The following DST variants were observed in gnomAD, a reference collection of about 807,000 sequenced individuals.
The protein encoded by DST is dystonin.
Under a neutral mutation model 875.2 loss-of-function variants are expected in DST, and 253 were observed. The ratio of observed to expected loss-of-function variants is 0.29; its 90% CI spans 0.26 to 0.32. DST has a LOEUF of 0.32. Ranked by LOEUF, DST falls within the 10% of genes least tolerant of loss-of-function variation. The pLI, the probability that DST is intolerant of heterozygous loss-of-function variation, is 1.00. For synonymous variants in DST, 3,124 were observed against 3,197.1 expected, an observed-to-expected ratio of 0.98 and a Z score of 0.77; for missense variants, 8,287 against 9,111.6, an observed-to-expected ratio of 0.91 and a Z score of 3.68.
intron 37 of DST, among the ~76,000 whole-genome samples, chr6:56,612,140 C>A (rs543401824): frequency 6.6e-6 from 1 of 152,210 alleles, no homozygotes; most frequent in Non-Finnish European, 1.5e-5. Flanking sequence ...GAGGCCAAAG[C>A]AGGCAGATTG....
chr6:56,873,753 G>A (rs1778415926), intron 3 of DST, among the ~76,000 whole-genome samples: 1 of 152,120 alleles, frequency 6.6e-6, no homozygotes, highest in African/African-American at 2.4e-5. Context: ...TGGTTAATGA[G>A]CACAAAAATA....
Position 56,610,503 on chromosome 6 carries a change from T to C in DST, c.5207A>G (p.Tyr1736Cys), listed in dbSNP as rs570397443. The C allele has an allele frequency of 3.1e-5, 49 of 1,567,762 alleles. No homozygotes were observed. The South Asian group carries it at 5.0e-4, about 16-fold the overall frequency. The change falls in exon 39 of 104, where the codon TAT becomes TGT. Residue 1736 changes from tyrosine to cysteine, a missense_variant. Tyr to Cys is a radical substitution (Grantham distance 194, BLOSUM62 -2). Transcript: ENST00000680361. The stretch of plus-strand genomic sequence containing the variant: ...CAGAGATTCACTGAATAATAAATTA[T>C]AACTTTCCTGAAGAGTTTTCACTTG... Reference protein sequence around the residue: ...EKQVKTLQESYNLLFSESLKQ... With the variant: ...EKQVKTLQESCNLLFSESLKQ...
rs571895684 is a variant in DST, at chr6:56,933,700, A to C, written c.216+20085T>G. ...CCAGCATGAGCAATGGCATGAAAAC[A>C]GAATGGGGTAGGGAACCAAGCAGCT... On this transcript the variant is annotated intron_variant, in intron 2 of 103. Coordinates refer to ENST00000680361, the MANE Select transcript of DST (RefSeq NM_001374736.1). 3.5e-4 allele frequency among the ~76,000 whole-genome samples: 53 copies of C among 152,332 alleles called. No individual in the cohort carries two copies. In the South Asian group the frequency reaches 9.5e-3, roughly 27 times the overall value.
intron 4 of DST, among the ~76,000 whole-genome samples, chr6:56,777,589 T>C (rs893324300): frequency 1.3e-5 from 2 of 151,988 alleles, no homozygotes; most frequent in African/African-American, 4.8e-5. Flanking sequence ...AATTTGAAAC[T>C]CACCAATCAC....
chr6:56,693,687 AT>A (rs925953566), intron 9 of DST, among the ~76,000 whole-genome samples: 7 of 151,484 alleles, frequency 4.6e-5, no homozygotes, highest in African/African-American at 9.7e-5. Flanking sequence ...TCTACCATAT[AT>A]TTTTTTTTCT....
chr6:56,906,046 A>G (rs976770640), intron 2 of DST, among the ~76,000 whole-genome samples: 2 of 152,244 alleles, frequency 1.3e-5, no homozygotes, highest in East Asian at 1.9e-4. Context: ...ACATAGGAGC[A>G]TATATAACTC....
At chr6:56,756,714 G>A (rs2099604729) in intron 4 of DST, among the ~76,000 whole-genome samples, 1 of 152,116 alleles carries the variant, frequency 6.6e-6, no homozygotes, top group Admixed American at 6.5e-5. Flanking sequence ...GAGACTGTTC[G>A]ATTTGCCACA....
At position 56,843,052 on chromosome 6, in the gene DST, T is replaced by C. The variant is rs761180158; in HGVS notation, c.625+8345A>G. ...CCGCAGCCCCAGGGCAGGGACCACA[T>C]ACCTTTGTACCTCTCCAGGACATCC... On this transcript the variant is annotated intron_variant, in intron 4 of 103. Transcript: ENST00000680361. 5 of 1,472,488 alleles carry C rather than the reference T, an allele frequency of 3.4e-6. No individual in the cohort carries two copies. In the Middle Eastern group the frequency reaches 5.4e-4, roughly 160 times the overall value. 91.2% of individuals were successfully genotyped at this position (1,472,488 alleles called of 1,614,324 possible).
At chr6:56,902,403 G>A (rs1376975452) in intron 2 of DST, among the ~76,000 whole-genome samples, 3 of 152,246 alleles carry the variant, frequency 2.0e-5, no homozygotes, top group African/African-American at 7.2e-5. Context: ...GTGGGATTCT[G>A]AAAGATAAAT....
intron 49 of DST, among the ~76,000 whole-genome samples, 170 bp from the exon 50 acceptor site, chr6:56,579,107 T>G (rs921416703): frequency 2.6e-5 from 4 of 152,242 alleles, no homozygotes; most frequent in Non-Finnish European, 4.4e-5. Context: ...AGGCCAGTTA[T>G]AAAGCAGCAT....
Position 56,553,495 on chromosome 6 carries a change from A to T in DST, c.15297T>A (p.Asp5099Glu). The T allele has an allele frequency of 6.2e-7, 1 of 1,613,820 alleles. No homozygotes were observed. The highest frequency in any genetic ancestry group is 1.1e-5 in the South Asian group (1 of 91,034). Residue 5099 changes from aspartate (D) to glutamate (E), a missense_variant, in exon 61 of 104, where the codon GAT becomes GAA. Coordinates refer to ENST00000680361, the MANE Select transcript of DST (RefSeq NM_001374736.1). ...TCAAAGTTTTACTAAAGTCTTTATG[A>T]TCTTTAATTAATGACTCCAAGACAT... ...KLDVLESLIK[D>E]HKDFSKTLTA...
At chr6:56,785,116 C>A (rs1416464833) in intron 4 of DST, among the ~76,000 whole-genome samples, 2 of 152,174 alleles carry the variant, frequency 1.3e-5, no homozygotes, top group Non-Finnish European at 2.9e-5. Flanking sequence ...CCCGGCCGTG[C>A]GAGGTGTCAG....
At chr6:56,879,477 A>C (rs544797680) in intron 3 of DST, among the ~76,000 whole-genome samples, 150 of 152,182 alleles carry the variant, frequency 9.9e-4, no homozygotes, top group Non-Finnish European at 1.8e-3. Flanking sequence ...TCTCGGAAAA[A>C]AAAAAAAATA....
intron 78 of DST, among the ~76,000 whole-genome samples, chr6:56,503,019 A>G (rs568320141): frequency 6.6e-6 from 1 of 152,150 alleles, no homozygotes; most frequent in African/African-American, 2.4e-5. Context: ...CAAGAATTAC[A>G]AAAGCAAAAA....
intron 4 of DST, among the ~76,000 whole-genome samples, chr6:56,765,227 A>G (rs1296266469): frequency 6.6e-6 from 1 of 152,208 alleles, no homozygotes; most frequent in Admixed American, 6.5e-5. Flanking sequence ...GAAAGTCACC[A>G]TGACAAACAC....
chr6:56,570,587 C>T (rs2097764696), intron 53 of DST, among the ~76,000 whole-genome samples: 1 of 152,128 alleles, frequency 6.6e-6, no homozygotes, highest in African/African-American at 2.4e-5. Flanking sequence ...GCTGTAAATA[C>T]AGATGAAGCT....
chr6:56,953,926 A>T, intron 1 of DST, 107 bp from the exon 2 acceptor site: 3 of 691,092 alleles, frequency 4.3e-6, no homozygotes, highest in Non-Finnish European at 4.4e-6. Flanking sequence ...CACATCGCAG[A>T]CTCCTGGAAT....
chr6:56,548,336 G>T (rs552353928), intron 61 of DST, among the ~76,000 whole-genome samples: 1 of 152,338 alleles, frequency 6.6e-6, no homozygotes, highest in East Asian at 1.9e-4. Context: ...GGAAGGTACA[G>T]ATTTAGCTAG....
chr6:56,843,383 G>T, intron 4 of DST: 1 of 1,151,540 alleles, frequency 8.7e-7, no homozygotes. Flanking sequence ...GCCCGGCTCC[G>T]GGAGCCCGAG....
Sources: allele counts gnomAD v4.1 joint callset (sites outside exome capture counted in the v4.1 genomes callset), GRCh38; gene constraint gnomAD v4.1.1; transcripts MANE v1.5; gene names NCBI Gene and HGNC (gene_info 2026-07-23, HGNC 2026-07-21).